The following TMCC3 variants were observed in gnomAD, a reference collection of about 807,000 sequenced individuals.
The protein encoded by TMCC3 is transmembrane and coiled-coil domain family 3, also known as transmembrane and coiled-coil domain protein 3.
In TMCC3, 28 loss-of-function variants were observed where a neutral mutation model predicts 40.2. The ratio of observed to expected loss-of-function variants is 0.70; its 90% CI spans 0.52 to 0.95. TMCC3 has a LOEUF of 0.95. TMCC3 is among the 40% of genes least tolerant of loss of function. The pLI is 0.00. For missense variants in TMCC3, 554 were observed against 615.2 expected (o/e 0.90, Z 1.05); for synonymous variants, 255 against 248.5 (o/e 1.03, Z -0.25).
intron 1 of TMCC3, among the ~76,000 whole-genome samples, chr12:94,594,198 A>AATATATATATATATATATAT (rs59083165): frequency 2.7e-4 from 39 of 145,490 alleles, no homozygotes; most frequent in African/African-American, 9.6e-4. Context: ...TTTAAATTTA[A>AATATATATATATATATATAT]ATATATATAT....
At chr12:94,571,849 CGGCT>C in intron 3 of TMCC3, 112 bp from the exon 4 acceptor site, 1 of 1,101,474 alleles carries the variant, frequency 9.1e-7, no homozygotes, top group Non-Finnish European at 1.3e-6. Flanking sequence ...AATGCCCAGG[CGGCT>C]GCAAATCCCC....
intron 1 of TMCC3, among the ~76,000 whole-genome samples, chr12:94,620,518 C>G (rs1232247774): frequency 1.3e-5 from 2 of 151,880 alleles, no homozygotes; most frequent in African/African-American, 4.8e-5. Flanking sequence ...GAACTCCTGA[C>G]CTCAGGTGAT....
At position 94,589,460 on chromosome 12, in the gene TMCC3, C is replaced by T. The variant is rs78021552; in HGVS notation, c.79-6922G>A. 1.0e-3 allele frequency among the ~76,000 whole-genome samples: 154 copies of T among 152,326 alleles called. 1 individual carries two copies. Among genetic ancestry groups the T allele is most frequent in the African/African-American group, 3.5e-3 (146 of 41,588 alleles). ...AGAGAACTCATTACACTGACCCTAC[C>T]TAACTTCTAGGGGACAGGGGAGTAT... On this transcript the variant is annotated intron_variant, in intron 1 of 3. Coordinates refer to ENST00000261226, the MANE Select transcript of TMCC3 (RefSeq NM_020698.4).
chr12:94,593,373 G>A (rs867109216), intron 1 of TMCC3, among the ~76,000 whole-genome samples: 68 of 20,308 alleles, frequency 3.3e-3, no homozygotes, highest in Non-Finnish European at 5.1e-3. Context: ...AAAAAAAAAA[G>A]AAAAGAAAAG....
At position 94,568,358 on chromosome 12, in the gene TMCC3, T is replaced by G. The variant is rs1342112293; in HGVS notation, c.*3077A>C. On this transcript the variant is annotated 3_prime_UTR_variant, in exon 4 of 4. Transcript: ENST00000261226. Reference sequence around the variant, plus strand: ...AACCAACTCAAGACCCACAGGAGACTATGTCACCAGATAAACCCAGTGCTA... The same window carrying G: ...AACCAACTCAAGACCCACAGGAGACGATGTCACCAGATAAACCCAGTGCTA... The G allele has an allele frequency of 2.0e-5, 3 of 151,114 alleles. No homozygotes were observed. The highest frequency in any genetic ancestry group is 4.4e-5 in the Non-Finnish European group (3 of 67,902). The allele number at this position is 151,114 out of a possible 1,614,324, so 9.4% of individuals were successfully genotyped here.
chr12:94,642,430 G>A (rs549434125), intron 1 of TMCC3, among the ~76,000 whole-genome samples: 1 of 152,320 alleles, frequency 6.6e-6, no homozygotes, highest in African/African-American at 2.4e-5. Context: ...AGGGAGTTCT[G>A]GTGTGGACAC....
At chr12:94,639,419 CA>C in intron 1 of TMCC3, among the ~76,000 whole-genome samples, 1 of 151,836 alleles carries the variant, frequency 6.6e-6, no homozygotes, top group Non-Finnish European at 1.5e-5. Context: ...CCATCTCTAC[CA>C]AAAATACAAA....
At chr12:94,581,582 TA>T (rs1275918767) in intron 2 of TMCC3, 39 bp downstream of exon 2, 3 of 1,234,708 alleles carry the variant, frequency 2.4e-6, no homozygotes, top group Admixed American at 3.3e-5. Context: ...AATAAATAAA[TA>T]AAAAATAAAA....
In TMCC3 at chr12:94,582,226, T is replaced by C. The variant is rs773537248; in HGVS notation, c.391A>G (p.Lys131Glu). The C allele has an allele frequency of 2.1e-5, 34 of 1,614,178 alleles. No individual in the cohort carries two copies. The highest frequency in any genetic ancestry group is 2.8e-5 in the Non-Finnish European group (33 of 1,180,038). The change falls in exon 2 of 4, where the codon AAG becomes GAG. Residue 131 changes from lysine (K) to glutamate (E), a missense_variant. Lys to Glu is a moderately conservative substitution (Grantham distance 56). Coordinates refer to ENST00000261226, the MANE Select transcript of TMCC3 (RefSeq NM_020698.4). ...KSAHSIAQLQ[K>E]KLEQYHRKLR... Reference sequence around the variant, plus strand: ...TTTCGATGATACTGCTCTAACTTCTTCTGCAGCTGGGCGATGGAGTGAGCT... The same window carrying C: ...TTTCGATGATACTGCTCTAACTTCTCCTGCAGCTGGGCGATGGAGTGAGCT...
intron 1 of TMCC3, among the ~76,000 whole-genome samples, chr12:94,612,804 G>A (rs1001408431): frequency 3.3e-5 from 5 of 152,158 alleles, no homozygotes; most frequent in Admixed American, 2.6e-4. Context: ...AAAGCAGACT[G>A]CAAGGTATAT....
chr12:94,591,002 C>T lies in TMCC3; in HGVS notation c.79-8464G>A, dbSNP rs545661201. The T allele has an allele frequency of 3.1e-4, 171 of 553,702 alleles. 1 individual carries two copies. The highest frequency in any genetic ancestry group is 5.3e-4 in the Non-Finnish European group (146 of 276,680). The allele number at this position is 553,702 out of a possible 1,614,324, so 34.3% of individuals were successfully genotyped here. A position where few individuals can be genotyped will look rare whatever the true frequency, so the allele number is the denominator to read the frequency against. On this transcript the variant is annotated intron_variant, in intron 1 of 3. Transcript: ENST00000261226. ...ATCTTGGGAGATGAGGAAGAAACCG[C>T]GACTACTATAGAAATTGATGAAGAA...
intron 1 of TMCC3, among the ~76,000 whole-genome samples, chr12:94,591,404 A>ATTTT: frequency 6.7e-6 from 1 of 149,012 alleles, no homozygotes; most frequent in Non-Finnish European, 1.5e-5. Context: ...ACAATTTCTG[A>ATTTT]TTTTTTTTTT....
intron 3 of TMCC3, among the ~76,000 whole-genome samples, chr12:94,576,819 G>C (rs1302897673): frequency 6.6e-6 from 1 of 152,038 alleles, no homozygotes; most frequent in Non-Finnish European, 1.5e-5. Flanking sequence ...GCCTGGGGTT[G>C]TTTCACTACG....
At chr12:94,644,777 C>T (rs2069009228) in intron 1 of TMCC3, among the ~76,000 whole-genome samples, 1 of 152,200 alleles carries the variant, frequency 6.6e-6, no homozygotes, top group Non-Finnish European at 1.5e-5. Context: ...TATTTCCTGC[C>T]CAGGGAGTAA....
At chr12:94,585,986 C>T (rs150451581) in intron 1 of TMCC3, among the ~76,000 whole-genome samples, 1 of 152,272 alleles carries the variant, frequency 6.6e-6, no homozygotes, top group Non-Finnish European at 1.5e-5. Context: ...ATTCTTTATT[C>T]CAAGGAGTCT....
chr12:94,591,836 C>T (rs2068677951), intron 1 of TMCC3, among the ~76,000 whole-genome samples: 1 of 152,208 alleles, frequency 6.6e-6, no homozygotes, highest in Admixed American at 6.5e-5. Flanking sequence ...TCACACTTGA[C>T]ATGCACTTGC....
chr12:94,600,244 T>G (rs546646865), intron 1 of TMCC3, among the ~76,000 whole-genome samples: 8 of 141,070 alleles, frequency 5.7e-5, no homozygotes, highest in African/African-American at 1.2e-4. Context: ...ATTCTGGTTT[T>G]TTTTTTTTTT....
intron 1 of TMCC3, among the ~76,000 whole-genome samples, chr12:94,624,662 C>T (rs193195648): frequency 1.3e-5 from 2 of 151,140 alleles, no homozygotes; most frequent in Admixed American, 6.6e-5. Context: ...TGCAGTGAGC[C>T]GAGATCACAC....
At chr12:94,593,747 T>G (rs1190983286) in intron 1 of TMCC3, among the ~76,000 whole-genome samples, 1 of 152,186 alleles carries the variant, frequency 6.6e-6, no homozygotes, top group Admixed American at 6.5e-5. Flanking sequence ...TAATCTCCTT[T>G]GAGTTACACG....
Sources: gnomAD v4.1 joint callset for allele counts (sites outside exome capture counted in the v4.1 genomes callset) on GRCh38, gnomAD v4.1.1 for gene constraint, MANE v1.5 for transcripts, NCBI Gene and HGNC (gene_info 2026-07-23, HGNC 2026-07-21) for gene names.